Variants in CACNB4 observed in about 807,000 individuals in gnomAD.
CACNB4 encodes the protein calcium voltage-gated channel auxiliary subunit beta 4.
CACNB4 carries 32 observed loss-of-function variants against 71.2 expected under a neutral mutation model. That is an observed-to-expected ratio of 0.45 (90% CI 0.34 to 0.60). The LOEUF is 0.60. Ranked by LOEUF, CACNB4 falls within the 20% of genes least tolerant of loss-of-function variation. The pLI is 0.01. For missense variants in CACNB4, 464 were observed against 647.9 expected (o/e 0.72, Z 3.08); for synonymous variants, 231 against 236.9 (o/e 0.97, Z 0.23).
chr2:152,037,052 C>T (rs748521420), intron 2 of CACNB4, among the ~76,000 whole-genome samples: 5 of 152,194 alleles, frequency 3.3e-5, no homozygotes, highest in Non-Finnish European at 7.3e-5. Context: ...CACAAGATGG[C>T]GCATGTAGAC....
At position 152,098,216 on chromosome 2, in the gene CACNB4, C is replaced by A. The variant is rs914392034; in HGVS notation, c.147+114G>T. The A allele has an allele frequency of 1.3e-6, 1 of 756,900 alleles. No individual in the cohort carries two copies. The highest frequency in any genetic ancestry group is 2.5e-5 in the East Asian group (1 of 39,440). The allele number at this position is 756,900 out of a possible 1,614,324, so 46.9% of individuals were successfully genotyped here. A position where few individuals can be genotyped will look rare whatever the true frequency, so the allele number is the denominator to read the frequency against. ...AGCACCGGCCGAGGCCGGGAAGAGA[C>A]GCGCGCGGGCTTGACCCGCAGCTCC... is the stretch of plus-strand genomic sequence containing the variant. On this transcript the variant is annotated intron_variant, in intron 2 of 13. Transcript: ENST00000539935. The surrounding 1 kb of genome is among the most constrained non-coding windows in gnomAD (Gnocchi z 5.3).
intron 2 of CACNB4, among the ~76,000 whole-genome samples, chr2:151,903,117 G>T (rs1251313259): frequency 6.6e-6 from 1 of 152,150 alleles, no homozygotes; most frequent in Non-Finnish European, 1.5e-5. Context: ...TATTTACTAA[G>T]ATTAGGTATA....
intron 2 of CACNB4, among the ~76,000 whole-genome samples, chr2:151,974,375 T>C (rs1361487704): frequency 6.6e-6 from 1 of 152,186 alleles, no homozygotes; most frequent in Non-Finnish European, 1.5e-5. Flanking sequence ...ACACCCAATG[T>C]GAAGAAAAAA....
chr2:151,949,920 C>T (rs1040446716), intron 2 of CACNB4, among the ~76,000 whole-genome samples: 12 of 151,884 alleles, frequency 7.9e-5, no homozygotes, highest in Admixed American at 3.3e-4. Context: ...TGGTGGCACG[C>T]GCCTGTAGCC....
In CACNB4 at chr2:152,098,513, T is replaced by C; in HGVS notation, c.64-100A>G. The C allele has an allele frequency of 7.3e-7, 1 of 1,365,602 alleles. No individual in the cohort carries two copies. 84.6% of individuals were successfully genotyped at this position (1,365,602 alleles called of 1,614,324 possible). A position where few individuals can be genotyped will look rare whatever the true frequency, so the allele number is the denominator to read the frequency against. ...GGAGTCCGCCTCCGGACCCGCTCCC[T>C]GGGGTCCCCTAGAGCCCGCACCCAA... On this transcript the variant is annotated intron_variant, in intron 1 of 13. Coordinates refer to ENST00000539935, the MANE Select transcript of CACNB4 (RefSeq NM_000726.5). The surrounding 1 kb of genome is among the most constrained non-coding windows in gnomAD (Gnocchi z 5.3).
intron 2 of CACNB4, among the ~76,000 whole-genome samples, chr2:151,898,424 C>T (rs973407218): frequency 6.6e-6 from 1 of 152,056 alleles, no homozygotes; most frequent in African/African-American, 2.4e-5. Context: ...AATTCAAGGC[C>T]GGCACTCTCA....
At chr2:152,020,801 T>C (rs1181165289) in intron 2 of CACNB4, among the ~76,000 whole-genome samples, 4 of 152,178 alleles carry the variant, frequency 2.6e-5, no homozygotes, top group Non-Finnish European at 5.9e-5. Context: ...TTCCCTTGTC[T>C]GAAACACTGC....
At chr2:151,999,934 T>C (rs906960914) in intron 2 of CACNB4, among the ~76,000 whole-genome samples, 1 of 152,194 alleles carries the variant, frequency 6.6e-6, no homozygotes, top group African/African-American at 2.4e-5. Context: ...AGAGTGTTAA[T>C]CAAAGGAATT....
chr2:151,865,272 C>G (rs1208082417), intron 9 of CACNB4, among the ~76,000 whole-genome samples: 1 of 152,202 alleles, frequency 6.6e-6, no homozygotes, highest in South Asian at 2.1e-4. Context: ...TTGAGTCTCC[C>G]TAAGTTGTAT....
intron 2 of CACNB4, among the ~76,000 whole-genome samples, chr2:151,905,766 CAAG>C (rs2099854651): frequency 6.6e-6 from 1 of 152,144 alleles, no homozygotes; most frequent in Non-Finnish European, 1.5e-5. Flanking sequence ...AAAGGCAAGG[CAAG>C]AAGGGCTAGA....
intron 2 of CACNB4, among the ~76,000 whole-genome samples, chr2:151,938,532 T>G (rs564509987): frequency 6.6e-6 from 1 of 152,194 alleles, no homozygotes; most frequent in Non-Finnish European, 1.5e-5. Flanking sequence ...CAGGGTATCA[T>G]TGGTGCTTGG....
At chr2:152,035,282 C>T (rs774772222) in intron 2 of CACNB4, among the ~76,000 whole-genome samples, 5 of 152,168 alleles carry the variant, frequency 3.3e-5, no homozygotes, top group Non-Finnish European at 7.3e-5. Context: ...ATTCGCAGGC[C>T]GGGAGCAGTG....
At chr2:151,848,668 C>T (rs1253272939) in intron 12 of CACNB4, among the ~76,000 whole-genome samples, 2 of 152,106 alleles carry the variant, frequency 1.3e-5, no homozygotes, top group Admixed American at 6.5e-5. Context: ...GAGATGAGTT[C>T]CCCTCTCCCA....
chr2:151,931,966 T>G (rs1203803709), intron 2 of CACNB4, among the ~76,000 whole-genome samples: 1 of 152,170 alleles, frequency 6.6e-6, no homozygotes, highest in East Asian at 1.9e-4. Flanking sequence ...AATACCATTT[T>G]CTGTAAAAAT....
At chr2:151,911,643 T>G (rs1186179456) in intron 2 of CACNB4, among the ~76,000 whole-genome samples, 8 of 152,216 alleles carry the variant, frequency 5.3e-5, no homozygotes, top group African/African-American at 1.9e-4. Context: ...CTTCTTTTTT[T>G]TGTTATACCT....
chr2:151,983,577 G>A (rs2099875085), intron 2 of CACNB4, among the ~76,000 whole-genome samples: 1 of 151,880 alleles, frequency 6.6e-6, no homozygotes, highest in East Asian at 1.9e-4. Context: ...CATTGGTACT[G>A]ATAGAAAGTA....
intron 2 of CACNB4, among the ~76,000 whole-genome samples, chr2:152,062,092 C>A (rs1686052548): frequency 6.6e-6 from 1 of 151,058 alleles, no homozygotes; most frequent in Non-Finnish European, 1.5e-5. Flanking sequence ...CTGAGTAATT[C>A]TTTTTCAGCA....
At chr2:151,890,322 G>A (rs549452686) in intron 2 of CACNB4, among the ~76,000 whole-genome samples, 14 of 152,286 alleles carry the variant, frequency 9.2e-5, no homozygotes, top group Middle Eastern at 3.4e-3. Context: ...TCAAAGAGTC[G>A]TCAAGGGTAG....
At chr2:151,945,304 G>C (rs554764693) in intron 2 of CACNB4, among the ~76,000 whole-genome samples, 1 of 152,340 alleles carries the variant, frequency 6.6e-6, no homozygotes, top group Admixed American at 6.5e-5. Context: ...GCCAACTTTA[G>C]AAATTCCAGA....
Sources: gnomAD v4.1 joint callset for allele counts (sites outside exome capture counted in the v4.1 genomes callset) on GRCh38, gnomAD v4.1.1 for gene constraint, Gnocchi (gnomAD v3.1) non-coding constraint, MANE v1.5 for transcripts, NCBI Gene and HGNC (gene_info 2026-07-23, HGNC 2026-07-21) for gene names.